SOX6: variants seen among roughly 807,000 people sequenced by gnomAD.
SOX6 encodes the protein transcription factor SOX-6.
SOX6 carries 11 observed loss-of-function variants against 97.8 expected under a neutral mutation model. That is an observed-to-expected ratio of 0.11 (90% CI 0.07 to 0.19). SOX6 has a LOEUF of 0.19. SOX6 is among the 10% of genes least tolerant of loss of function. The pLI, the probability that SOX6 is intolerant of heterozygous loss-of-function variation, is 1.00. For synonymous variants in SOX6, 360 were observed against 371.4 expected (o/e 0.97, Z 0.35); for missense variants, 810 against 1,039.5 (o/e 0.78, Z 3.04).
intron 12 of SOX6, among the ~76,000 whole-genome samples, chr11:16,043,733 C>A (rs1432078082): frequency 4.6e-5 from 7 of 152,044 alleles, no homozygotes; most frequent in Admixed American, 2.0e-4. Context: ...CAGCACAGAT[C>A]CCCCCCTGCT....
chr11:16,653,954 AAAT>A (rs959227092), intron 3 of SOX6, among the ~76,000 whole-genome samples: 119 of 152,014 alleles, frequency 7.8e-4, no homozygotes, highest in African/African-American at 2.7e-3. Flanking sequence ...ATTTAACACA[AAAT>A]AATCTGATTT....
intron 10 of SOX6, among the ~76,000 whole-genome samples, chr11:16,054,440 C>T (rs1847764960): frequency 6.6e-6 from 1 of 152,048 alleles, no homozygotes; most frequent in African/African-American, 2.4e-5. Flanking sequence ...AACAGCAGAA[C>T]ATAAATGTTC....
At chr11:16,504,863 G>T (rs1044965073) in intron 4 of SOX6, among the ~76,000 whole-genome samples, 1 of 152,102 alleles carries the variant, frequency 6.6e-6, no homozygotes, top group Non-Finnish European at 1.5e-5. Context: ...AGATGTTCCT[G>T]CTTCCCCTTC....
At chr11:16,499,749 C>T (rs1051113035) in intron 4 of SOX6, among the ~76,000 whole-genome samples, 1 of 151,996 alleles carries the variant, frequency 6.6e-6, no homozygotes, top group Admixed American at 6.6e-5. Context: ...ACCCTCCCAA[C>T]ACTAAACCAG....
intron 4 of SOX6, among the ~76,000 whole-genome samples, chr11:16,498,013 T>A (rs1362186777): frequency 2.0e-5 from 3 of 152,054 alleles, no homozygotes; most frequent in African/African-American, 4.8e-5. Flanking sequence ...GACACATAAC[T>A]GTCAGATTCA....
chr11:16,728,410 T>C (rs1848323739), intron 2 of SOX6, among the ~76,000 whole-genome samples: 1 of 152,176 alleles, frequency 6.6e-6, no homozygotes, highest in South Asian at 2.1e-4. Flanking sequence ...CTGTTCTGCA[T>C]TCTCTGCCAG....
intron 2 of SOX6, among the ~76,000 whole-genome samples, chr11:16,327,047 G>A (rs912213147): frequency 6.6e-6 from 1 of 152,116 alleles, no homozygotes; most frequent in Non-Finnish European, 1.5e-5. Flanking sequence ...AGATCCAAAG[G>A]TGCATGTCCC....
chr11:16,175,572 T>C (rs1165581921), intron 6 of SOX6, among the ~76,000 whole-genome samples: 1 of 151,936 alleles, frequency 6.6e-6, no homozygotes, highest in Non-Finnish European at 1.5e-5. Flanking sequence ...CTACATCTTT[T>C]GTTTATATGT....
At chr11:16,060,589 T>C (rs1847924421) in intron 9 of SOX6, among the ~76,000 whole-genome samples, 1 of 151,968 alleles carries the variant, frequency 6.6e-6, no homozygotes, top group South Asian at 2.1e-4. Flanking sequence ...TATCATTCTA[T>C]TCAGATTGAA....
Position 16,731,961 on chromosome 11 carries a change from C to A in SOX6, n.353+4378G>T, listed in dbSNP as rs552292288. 3.7e-4 allele frequency among the ~76,000 whole-genome samples: 57 copies of A among 152,108 alleles called. 1 individual carries two copies. The highest frequency in any genetic ancestry group is 6.8e-3 in the Middle Eastern group (2 of 294). On this transcript the variant is annotated intron_variant and non_coding_transcript_variant, in intron 2 of 5. Transcript: ENST00000524520. ...CTATACACCAATAATAGACAGAGAG[C>A]CAAATCATGAGTGAACTCCCATCCA...
At chr11:16,291,406 A>G (rs1854915292) in intron 3 of SOX6, among the ~76,000 whole-genome samples, 1 of 141,744 alleles carries the variant, frequency 7.1e-6, no homozygotes, top group African/African-American at 2.6e-5. Context: ...AATGAGTGAA[A>G]GGAAGGATGG....
At chr11:16,334,579 C>T (rs968293271) in intron 2 of SOX6, among the ~76,000 whole-genome samples, 2 of 152,056 alleles carry the variant, frequency 1.3e-5, no homozygotes, top group African/African-American at 4.8e-5. Flanking sequence ...AGGCACGCAC[C>T]ACCACGTCTG....
Position 16,283,089 on chromosome 11 carries a change from G to GTATATATATATATATATATATATATA in SOX6, c.445+35356_445+35357insTATATATATATATATATATATATATA, listed in dbSNP as rs10581083. ...TATATATGTAAATTATATATAATTT[G>GTATATATATATATATATATATATATA]TATATATATATATATATATATATAT... is the stretch of plus-strand genomic sequence containing the variant. On this transcript the variant is annotated intron_variant, in intron 3 of 15. Transcript: ENST00000683767. 3.3e-4 allele frequency among the ~76,000 whole-genome samples: 37 copies of GTATATATATATATATATATATATATA among 113,656 alleles called. 1 individual carries two copies. Among genetic ancestry groups the GTATATATATATATATATATATATATA allele is most frequent in the Non-Finnish European group, 4.6e-4 (26 of 56,608 alleles). 74.6% of individuals were successfully genotyped at this position (113,656 alleles called of 152,430 possible).
chr11:16,121,017 T>C (rs1849477265), intron 6 of SOX6, among the ~76,000 whole-genome samples: 1 of 152,106 alleles, frequency 6.6e-6, no homozygotes, highest in African/African-American at 2.4e-5. Context: ...GCCAATCCTT[T>C]CCTTTGTGTT....
At chr11:16,349,621 T>A (rs973046919) in intron 1 of SOX6, among the ~76,000 whole-genome samples, 6 of 125,988 alleles carry the variant, frequency 4.8e-5, no homozygotes, top group Non-Finnish European at 8.5e-5. Context: ...GTCAAAAAAA[T>A]AAATAAATAA....
At chr11:16,731,341 T>A (rs1330924350) in intron 2 of SOX6, among the ~76,000 whole-genome samples, 2 of 151,980 alleles carry the variant, frequency 1.3e-5, no homozygotes, top group African/African-American at 2.4e-5. Context: ...TATGTGAAAA[T>A]CCTCAATAAA....
intron 2 of SOX6, among the ~76,000 whole-genome samples, chr11:16,726,774 T>C (rs369259004): frequency 2.6e-4 from 40 of 152,230 alleles, no homozygotes; most frequent in Middle Eastern, 3.4e-3. Flanking sequence ...AAAACTAAAA[T>C]ATAACCATTG....
chr11:16,436,380 T>TCCTCTCTCGCTCTTTC (rs1198843389), intron 1 of SOX6, among the ~76,000 whole-genome samples: 3 of 151,924 alleles, frequency 2.0e-5, no homozygotes. Context: ...ATCTCTCATT[T>TCCTCTCTCGCTCTTTC]CCTCTCTCGC....
intron 3 of SOX6, among the ~76,000 whole-genome samples, chr11:16,254,578 ACT>A (rs1853625264): frequency 6.6e-6 from 1 of 152,066 alleles, no homozygotes; most frequent in Non-Finnish European, 1.5e-5. Context: ...ATTAATTGTA[ACT>A]GAATATTGTA....
Sources: allele counts gnomAD v4.1 joint callset (sites outside exome capture counted in the v4.1 genomes callset), GRCh38; gene constraint gnomAD v4.1.1; transcripts MANE v1.5; gene names NCBI Gene and HGNC (gene_info 2026-07-23, HGNC 2026-07-21).